Variants in RPAP2 observed in about 807,000 individuals in gnomAD.
The protein encoded by RPAP2 is putative RNA polymerase II subunit B1 CTD phosphatase RPAP2.
RPAP2 carries 52 observed loss-of-function variants against 73.1 expected under a neutral mutation model. The observed-to-expected ratio is 0.71, with a 90% CI of 0.57 to 0.90. The LOEUF is 0.90. Ranked by LOEUF, RPAP2 falls within the 40% of genes least tolerant of loss-of-function variation. RPAP2 has a pLI of 0.00. For synonymous variants in RPAP2, 225 were observed against 242.1 expected, an observed-to-expected ratio of 0.93 and a Z score of 0.65; for missense variants, 598 against 701.8, an observed-to-expected ratio of 0.85 and a Z score of 1.67.
intron 11 of RPAP2, among the ~76,000 whole-genome samples, chr1:92,355,200 C>A (rs1042354869): frequency 7.9e-5 from 12 of 151,996 alleles, no homozygotes; most frequent in Middle Eastern, 3.4e-3. Context: ...ATTATTCTAC[C>A]CCATAGACTA....
At chr1:92,352,118 C>CCAT (rs1416431398) in intron 11 of RPAP2, among the ~76,000 whole-genome samples, 17 of 152,186 alleles carry the variant, frequency 1.1e-4, no homozygotes, top group African/African-American at 3.9e-4. Flanking sequence ...GCTTTCAAGA[C>CCAT]CATCTCCAAA....
rs71091273 is a variant in RPAP2 at position 92,305,432 on chromosome 1, CAAA to C, written c.399+1100_399+1102del. Among the ~76,000 whole-genome samples the C allele has an allele frequency of 2.1e-4, 11 of 52,692 alleles. No individual in the cohort carries two copies. The East Asian group carries it at 8.2e-3, about 39-fold the overall frequency. The allele number at this position is 52,692 out of a possible 152,430, so 34.6% of individuals were successfully genotyped here. A position where few individuals can be genotyped will look rare whatever the true frequency, so the allele number is the denominator to read the frequency against. On this transcript the variant is annotated intron_variant, in intron 5 of 12. Transcript: ENST00000610020. The stretch of plus-strand genomic sequence containing the variant: ...GGGGCAACAGAGTGAGGCTCCGTCT[CAAA>C]AAAAAAAAAAAAAAAAGACAATATG...
chr1:92,301,843 AAG>A (rs1279541385), intron 3 of RPAP2, among the ~76,000 whole-genome samples: 2 of 152,250 alleles, frequency 1.3e-5, no homozygotes, highest in Non-Finnish European at 2.9e-5. Context: ...CAAAATTAAT[AAG>A]AGTGGATTTC....
intron 11 of RPAP2, among the ~76,000 whole-genome samples, chr1:92,352,773 T>C (rs1393300260): frequency 1.3e-5 from 2 of 152,328 alleles, no homozygotes; most frequent in Admixed American, 1.3e-4. Flanking sequence ...ATTCACTGTG[T>C]TGTACAACTA....
intron 11 of RPAP2, among the ~76,000 whole-genome samples, chr1:92,354,757 T>G (rs1654380144): frequency 6.6e-6 from 1 of 152,038 alleles, no homozygotes; most frequent in Non-Finnish European, 1.5e-5. Flanking sequence ...AATATTATAT[T>G]CTTCTTGTCT....
chr1:92,346,756 C>T (rs1653925015), intron 11 of RPAP2, among the ~76,000 whole-genome samples: 1 of 152,052 alleles, frequency 6.6e-6, no homozygotes, highest in Non-Finnish European at 1.5e-5. Context: ...TTTAAGAAAC[C>T]ACTAGTGGTT....
In RPAP2 at chr1:92,317,995, C is replaced by A. The variant is rs564986572; in HGVS notation, c.489-2604C>A. 4.6e-5 allele frequency among the ~76,000 whole-genome samples: 7 copies of A among 152,312 alleles called. No homozygotes were observed. In the East Asian group the frequency reaches 1.4e-3, roughly 29 times the overall value. Reference sequence around the variant, plus strand: ...CTCTGACCACAACCTCTATCTCAATCTGCAGCTATCACTCCTGAGTCTGCT... The same window carrying A: ...CTCTGACCACAACCTCTATCTCAATATGCAGCTATCACTCCTGAGTCTGCT... On this transcript the variant is annotated intron_variant, in intron 6 of 12. Coordinates refer to ENST00000610020, the MANE Select transcript of RPAP2 (RefSeq NM_024813.3).
chr1:92,396,162 G>A lies in RPAP2; in HGVS notation c.*9151G>A, dbSNP rs2101473156. On this transcript the variant is annotated 3_prime_UTR_variant, in exon 13 of 13. Transcript: ENST00000610020. ...GTTCATAGCATTATCATTCATATTA[G>A]TCAAAAAGTGGAAACCAAATGACCA... 6.6e-6 allele frequency: 1 copy of A among 151,496 alleles called. No homozygotes were observed. Among genetic ancestry groups the A allele is most frequent in the East Asian group, 1.9e-4 (1 of 5,160 alleles). The allele number at this position is 151,496 out of a possible 1,614,324, so 9.4% of individuals were successfully genotyped here.
intron 10 of RPAP2, among the ~76,000 whole-genome samples, chr1:92,344,873 A>T (rs776701615): frequency 9.2e-5 from 14 of 152,152 alleles, no homozygotes; most frequent in Admixed American, 7.2e-4. Context: ...TTCCTCCTCT[A>T]TAAATTCCCT....
intron 12 of RPAP2, among the ~76,000 whole-genome samples, chr1:92,386,125 A>T (rs1490666185): frequency 6.6e-6 from 1 of 152,226 alleles, no homozygotes; most frequent in African/African-American, 2.4e-5. Context: ...CCCATGATGG[A>T]AGCCACAGTC....
Position 92,323,810 on chromosome 1 carries a change from C to G in RPAP2, c.890C>G (p.Thr297Ser), listed in dbSNP as rs781583383. 96 of 1,613,948 alleles carry G rather than the reference C, an allele frequency of 5.9e-5. 1 individual carries two copies. The highest frequency in any genetic ancestry group is 1.6e-4 in the Middle Eastern group (1 of 6,084). Residue 297 changes from threonine (T) to serine (S), a missense_variant, in exon 8 of 13, where the codon ACT (threonine) becomes AGT (serine). Transcript: ENST00000610020. ...TCELPLQKVN[T>S]QSSSNSTLPE... is the part of the protein sequence containing the mutation. ...GAACTTCCTTTACAGAAAGTAAATA[C>G]TCAGAGTTCTTCAAATAGCACTTTG...
intron 8 of RPAP2, among the ~76,000 whole-genome samples, chr1:92,328,469 A>C (rs1652773573): frequency 6.6e-6 from 1 of 152,120 alleles, no homozygotes. Flanking sequence ...GCATTTCTCT[A>C]AGTATGTCCT....
chr1:92,363,649 C>A, intron 11 of RPAP2: 1 of 259,284 alleles, frequency 3.9e-6, no homozygotes, highest in Non-Finnish European at 7.6e-6. Context: ...GATATTTTTC[C>A]ACCTCTGCCA....
At chr1:92,381,833 A>T (rs1655651566) in intron 12 of RPAP2, among the ~76,000 whole-genome samples, 2 of 151,714 alleles carry the variant, frequency 1.3e-5, no homozygotes, top group Non-Finnish European at 2.9e-5. Context: ...GGTTTGCTAC[A>T]TATGTATACA....
chr1:92,308,262 G>A (rs1480172590), intron 6 of RPAP2, among the ~76,000 whole-genome samples: 1 of 152,142 alleles, frequency 6.6e-6, no homozygotes, highest in Non-Finnish European at 1.5e-5. Context: ...CTTGATAATT[G>A]AGTTAAACAT....
At chr1:92,300,298 C>T in intron 2 of RPAP2, 59 bp downstream of exon 2, 5 of 1,282,908 alleles carry the variant, frequency 3.9e-6, no homozygotes, top group Non-Finnish European at 5.5e-6. Context: ...ATTACTTGTA[C>T]CAATTTTAAA....
At chr1:92,386,693 G>T (rs901139456) in intron 12 of RPAP2, among the ~76,000 whole-genome samples, 6 of 152,076 alleles carry the variant, frequency 3.9e-5, no homozygotes, top group Middle Eastern at 3.4e-3. Context: ...ATGTTTTTTT[G>T]TTGTTTTGTT....
chr1:92,313,493 A>G (rs957782948), intron 6 of RPAP2, among the ~76,000 whole-genome samples: 1 of 150,330 alleles, frequency 6.7e-6, no homozygotes, highest in Non-Finnish European at 1.5e-5. Flanking sequence ...TAAAATATTC[A>G]GTAAGCCATG....
chr1:92,381,549 C>A (rs946474085), intron 12 of RPAP2, among the ~76,000 whole-genome samples: 2 of 149,642 alleles, frequency 1.3e-5, no homozygotes, highest in Non-Finnish European at 3.0e-5. Flanking sequence ...TGAGGAAATT[C>A]ATCCTAAGCT....
Sources: allele counts gnomAD v4.1 joint callset (sites outside exome capture counted in the v4.1 genomes callset), GRCh38; gene constraint gnomAD v4.1.1; transcripts MANE v1.5; gene names NCBI Gene and HGNC (gene_info 2026-07-23, HGNC 2026-07-21).